CRISPLD2: variants seen among roughly 807,000 people sequenced by gnomAD.
CRISPLD2 encodes cysteine rich secretory protein LCCL domain containing 2.
A neutral mutation model predicts 71.1 loss-of-function variants in CRISPLD2; 47 were observed. The ratio of observed to expected loss-of-function variants is 0.66; its 90% CI spans 0.52 to 0.84. CRISPLD2 has a LOEUF of 0.84. CRISPLD2 is among the 40% of genes least tolerant of loss of function. The pLI is 0.00. For missense variants in CRISPLD2, 830 were observed against 651.1 expected, an observed-to-expected ratio of 1.27 and a Z score of -2.99; for synonymous variants, 317 against 250.1, an observed-to-expected ratio of 1.27 and a Z score of -2.52.
At position 84,849,980 on chromosome 16, in the gene CRISPLD2, C is replaced by G. The variant is rs559339198; in HGVS notation, c.492+463C>G. ...GGCTCATGCAATCCTCCCCGCTCAG[C>G]TTCCCAAAGTGTTGGGATTACAGTT... On this transcript the variant is annotated intron_variant, in intron 4 of 14. Transcript: ENST00000262424. Among the ~76,000 whole-genome samples the G allele has an allele frequency of 7.2e-5, 11 of 151,806 alleles. No homozygotes were observed. In the South Asian group the frequency reaches 1.9e-3, roughly 26 times the overall value.
Position 84,877,592 on chromosome 16 carries a change from G to A in CRISPLD2, c.1229+82G>A, listed in dbSNP as rs2071531247. The A allele has an allele frequency of 5.3e-6, 7 of 1,309,490 alleles. No homozygotes were observed. The South Asian group carries it at 7.3e-5, about 14-fold the overall frequency. The allele number at this position is 1,309,490 out of a possible 1,614,324, so 81.1% of individuals were successfully genotyped here. A position where few individuals can be genotyped will look rare whatever the true frequency, so the allele number is the denominator to read the frequency against. ...AGGCTGGGTGAGGTGGCTCACAGCT[G>A]TAATCCCAGCACTTTGGGAGGCCGA... On this transcript the variant is annotated intron_variant, in intron 12 of 14. Transcript: ENST00000262424.
chr16:84,866,732 T>C (rs1001322322), intron 6 of CRISPLD2, among the ~76,000 whole-genome samples, 165 bp from the exon 7 acceptor site: 3 of 152,232 alleles, frequency 2.0e-5, no homozygotes, highest in Non-Finnish European at 4.4e-5. Flanking sequence ...GAATTCCACC[T>C]GGCCAGGTCT....
chr16:84,868,851 C>T lies in CRISPLD2; in HGVS notation c.854C>T (p.Thr285Ile), dbSNP rs1917614112. The T allele has an allele frequency of 6.2e-7, 1 of 1,612,018 alleles. No individual in the cohort carries two copies. The highest frequency in any genetic ancestry group is 8.5e-7 in the Non-Finnish European group (1 of 1,179,048). Residue 285 changes from threonine to isoleucine, a missense_variant and splice_region_variant, in exon 8 of 15, where the codon ACC (threonine) becomes ATC (isoleucine). Physicochemically the swap from Thr to Ile is moderately conservative, Grantham distance 89 (BLOSUM62 -1). Transcript: ENST00000262424. ...ATGTATTCCCGCATTTCTCTCCTAG[C>T]CCAAGTCGTCAGATGTGACACCAAG... ...PKKTSAVNYM[T>I]QVVRCDTKMK...
chr16:84,883,543 A>C (rs908238382), intron 13 of CRISPLD2, among the ~76,000 whole-genome samples: 1 of 152,168 alleles, frequency 6.6e-6, no homozygotes, highest in Non-Finnish European at 1.5e-5. Context: ...ACTTGTGCAC[A>C]TATCAGAATC....
At chr16:84,824,460 C>T (rs1567676283) in intron 1 of CRISPLD2, among the ~76,000 whole-genome samples, 1 of 152,184 alleles carries the variant, frequency 6.6e-6, no homozygotes, top group Non-Finnish European at 1.5e-5. Flanking sequence ...AGCAGCAAAT[C>T]CCCCCAGTCC....
intron 2 of CRISPLD2, among the ~76,000 whole-genome samples, chr16:84,840,978 T>G (rs1032129336): frequency 6.6e-6 from 1 of 152,174 alleles, no homozygotes; most frequent in South Asian, 2.1e-4. Flanking sequence ...ATTCTTGCTA[T>G]AAAGAGGTGG....
chr16:84,853,748 C>G (rs998040232), intron 5 of CRISPLD2, among the ~76,000 whole-genome samples: 1 of 152,264 alleles, frequency 6.6e-6, no homozygotes, highest in Non-Finnish European at 1.5e-5. Context: ...GCACAGCCTT[C>G]CCCGTGAGTC....
chr16:84,839,602 T>C (rs1002722299), intron 2 of CRISPLD2: 6 of 152,650 alleles, frequency 3.9e-5, no homozygotes, highest in African/African-American at 1.4e-4. Flanking sequence ...GTGATGGGTG[T>C]TCCAGGTGTG....
chr16:84,877,491 C>G lies in CRISPLD2; in HGVS notation c.1210C>G (p.Pro404Ala), dbSNP rs2071530219. The G allele has an allele frequency of 6.2e-7, 1 of 1,613,920 alleles. No homozygotes were observed. Among genetic ancestry groups the G allele is most frequent in the African/African-American group, 1.3e-5 (1 of 75,034 alleles). The change falls in exon 12 of 15, where the codon CCA (proline) becomes GCA (alanine). Residue 404 changes from proline (P) to alanine (A), a missense_variant. Physicochemically the swap from Pro to Ala is conservative, Grantham distance 27. Coordinates refer to ENST00000262424, the MANE Select transcript of CRISPLD2 (RefSeq NM_031476.4). ...TVAQLCPFEK[P>A]ATHCPRIHCP... The stretch of plus-strand genomic sequence containing the variant: ...TGCTCAGCTGTGCCCGTTTGAAAAG[C>G]CAGCAACTCACTGCCCAAGGTAAGG...
At chr16:84,821,389 G>A (rs1010044228) in intron 1 of CRISPLD2, among the ~76,000 whole-genome samples, 1 of 152,166 alleles carries the variant, frequency 6.6e-6, no homozygotes, top group Admixed American at 6.5e-5. Flanking sequence ...TTGCCTGTGC[G>A]GCAGGCACGC....
intron 1 of CRISPLD2, among the ~76,000 whole-genome samples, chr16:84,825,053 G>A (rs750993548): frequency 1.1e-4 from 16 of 152,040 alleles, no homozygotes; most frequent in Non-Finnish European, 1.9e-4. Context: ...GCAGTGAGCC[G>A]AGATCACGCC....
At chr16:84,833,639 G>C (rs1916542660) in intron 1 of CRISPLD2, among the ~76,000 whole-genome samples, 1 of 152,188 alleles carries the variant, frequency 6.6e-6, no homozygotes, top group African/African-American at 2.4e-5. Context: ...GCACTCTGCA[G>C]GGGGCATCCA....
At chr16:84,879,323 AG>A (rs1426548247) in intron 12 of CRISPLD2, among the ~76,000 whole-genome samples, 1 of 152,106 alleles carries the variant, frequency 6.6e-6, no homozygotes, top group African/African-American at 2.4e-5. Flanking sequence ...CAAAAGAAGT[AG>A]GAAAGAATGG....
intron 14 of CRISPLD2, among the ~76,000 whole-genome samples, chr16:84,898,563 T>C (rs2071726575): frequency 6.6e-6 from 1 of 152,218 alleles, no homozygotes; most frequent in South Asian, 2.1e-4. Context: ...CCATCCAGCC[T>C]GCACTTGTCT....
chr16:84,840,786 C>T (rs1424962288), intron 2 of CRISPLD2, among the ~76,000 whole-genome samples: 1 of 152,204 alleles, frequency 6.6e-6, no homozygotes, highest in African/African-American at 2.4e-5. Flanking sequence ...AAGTGATCCA[C>T]CCACCTCAGC....
chr16:84,826,628 C>T (rs1180057059), intron 1 of CRISPLD2, among the ~76,000 whole-genome samples: 2 of 152,096 alleles, frequency 1.3e-5, no homozygotes, highest in Non-Finnish European at 2.9e-5. Context: ...GTTTATTCCC[C>T]GGGACCTGCG....
chr16:84,845,855 A>C lies in CRISPLD2; in HGVS notation c.310A>C (p.Thr104Pro), dbSNP rs774963282. The C allele has an allele frequency of 6.2e-7, 1 of 1,613,962 alleles. No homozygotes were observed. The highest frequency in any genetic ancestry group is 8.5e-7 in the Non-Finnish European group (1 of 1,179,908). The change falls in exon 3 of 15, where the codon ACC becomes CCC. Residue 104 changes from threonine to proline, a missense_variant. Transcript: ENST00000262424. Reference sequence around the variant, plus strand: ...TCAGTGCATCTGGGAGCACGGGCCCACCAGTCTGCTGGTGTCCATCGGGCA... The same window carrying C: ...TCAGTGCATCTGGGAGCACGGGCCCCCCAGTCTGCTGGTGTCCATCGGGCA... ...ASQCIWEHGPTSLLVSIGQNL... is the reference protein window; with the variant it reads ...ASQCIWEHGPPSLLVSIGQNL...
chr16:84,850,209 G>A (rs1678902128), intron 4 of CRISPLD2, among the ~76,000 whole-genome samples: 1 of 151,912 alleles, frequency 6.6e-6, no homozygotes, highest in South Asian at 2.1e-4. Context: ...GCCTGCCTCA[G>A]CCTCCTGAGT....
chr16:84,854,355 G>A (rs1487650721), intron 5 of CRISPLD2, among the ~76,000 whole-genome samples: 2 of 152,164 alleles, frequency 1.3e-5, no homozygotes, highest in African/African-American at 4.8e-5. Flanking sequence ...ACACATTTGA[G>A]AAATGGCTTA....
Sources: allele counts gnomAD v4.1 joint callset (sites outside exome capture counted in the v4.1 genomes callset), GRCh38; gene constraint gnomAD v4.1.1; transcripts MANE v1.5; gene names NCBI Gene and HGNC (gene_info 2026-07-23, HGNC 2026-07-21).